Variants in FBXO42 observed in about 807,000 individuals in gnomAD.
FBXO42 encodes the protein F-box protein 42, also known as F-box only protein 42.
A neutral mutation model predicts 71.7 loss-of-function variants in FBXO42; 12 were observed. The ratio of observed to expected loss-of-function variants is 0.17; its 90% CI spans 0.11 to 0.27. The LOEUF (loss-of-function observed/expected upper bound fraction) is 0.27. FBXO42 is among the 10% of genes least tolerant of loss of function. FBXO42 has a pLI of 1.00. For synonymous variants in FBXO42, 325 were observed against 327.5 expected (o/e 0.99, Z 0.08); for missense variants, 707 against 911.9 (o/e 0.78, Z 2.89).
intron 4 of FBXO42, among the ~76,000 whole-genome samples, chr1:16,271,258 G>GGTGTGTGT (rs57827739): frequency 0.012 from 1,638 of 137,468 alleles, 12 homozygotes; most frequent in Non-Finnish European, 0.014. Flanking sequence ...TGTGTGTGTT[G>GGTGTGTGT]GTGTGTGTGT....
chr1:16,298,434 T>C (rs2082155203), intron 3 of FBXO42, among the ~76,000 whole-genome samples: 2 of 152,182 alleles, frequency 1.3e-5, no homozygotes, highest in Non-Finnish European at 2.9e-5. Flanking sequence ...TGGTACCAGG[T>C]TGGCTCAGTA....
At chr1:16,259,917 C>T (rs1230003911) in intron 4 of FBXO42, among the ~76,000 whole-genome samples, 1 of 152,018 alleles carries the variant, frequency 6.6e-6, no homozygotes, top group Non-Finnish European at 1.5e-5. Flanking sequence ...TCTGTACTGC[C>T]CAACAAAGTC....
intron 1 of FBXO42, among the ~76,000 whole-genome samples, chr1:16,320,763 T>C (rs1433809358): frequency 1.3e-5 from 2 of 152,010 alleles, no homozygotes; most frequent in African/African-American, 2.4e-5. Flanking sequence ...GGTTTCACCA[T>C]GTTAGCCAGG....
intron 1 of FBXO42, among the ~76,000 whole-genome samples, chr1:16,330,099 C>A (rs2082485464): frequency 6.6e-6 from 1 of 152,230 alleles, no homozygotes; most frequent in Non-Finnish European, 1.5e-5. Flanking sequence ...TATTATCACA[C>A]AATGTAGCTA....
At chr1:16,310,471 C>T (rs1557596318) in intron 2 of FBXO42, among the ~76,000 whole-genome samples, 1 of 152,100 alleles carries the variant, frequency 6.6e-6, no homozygotes, top group Non-Finnish European at 1.5e-5. Flanking sequence ...GTTGAGTCTG[C>T]AGTGAGCCCT....
chr1:16,283,647 C>T (rs1251850184), intron 4 of FBXO42, among the ~76,000 whole-genome samples: 1 of 151,972 alleles, frequency 6.6e-6, no homozygotes, highest in Non-Finnish European at 1.5e-5. Flanking sequence ...CAGGCACCCA[C>T]CACCATGCCC....
chr1:16,283,656 C>T lies in FBXO42; in HGVS notation c.502+11127G>A, dbSNP rs901396431. On this transcript the variant is annotated intron_variant, in intron 4 of 9. Coordinates refer to ENST00000375592, the MANE Select transcript of FBXO42 (RefSeq NM_018994.3). ...GGATTACAGGCACCCACCACCATGC[C>T]CAGCTACTTTTTGTATTTTTAGTAG... Among the ~76,000 whole-genome samples, 7 of 151,920 alleles carry T rather than the reference C, an allele frequency of 4.6e-5. No homozygotes were observed. The East Asian group carries it at 1.3e-3, about 29-fold the overall frequency.
intron 1 of FBXO42, among the ~76,000 whole-genome samples, chr1:16,341,611 A>T (rs1407300504): frequency 0.013 from 18 of 1,428 alleles, 1 homozygote; most frequent in East Asian, 0.33. Context: ...GCGTCTTTTA[A>T]AAAAAAAAAA....
At chr1:16,326,239 A>C (rs75254779) in intron 1 of FBXO42, among the ~76,000 whole-genome samples, 4,021 of 150,722 alleles carry the variant, frequency 0.027, 185 homozygotes, top group African/African-American at 0.091. Context: ...ATTTTTTCGC[A>C]AAGACGGGGT....
intron 3 of FBXO42, among the ~76,000 whole-genome samples, chr1:16,299,829 G>A (rs2082172879): frequency 6.6e-6 from 1 of 152,024 alleles, no homozygotes; most frequent in Non-Finnish European, 1.5e-5. Flanking sequence ...ATTTTTGGTA[G>A]AGATGGAGTT....
chr1:16,269,984 T>C (rs566697421), intron 4 of FBXO42, among the ~76,000 whole-genome samples: 1 of 152,256 alleles, frequency 6.6e-6, no homozygotes, highest in Admixed American at 6.5e-5. Flanking sequence ...GCCTTCCAAG[T>C]AGATGGGACC....
chr1:16,257,173 AAAAG>A (rs961766254), intron 4 of FBXO42, among the ~76,000 whole-genome samples: 1 of 152,230 alleles, frequency 6.6e-6, no homozygotes, highest in African/African-American at 2.4e-5. Context: ...GGTCACAAAG[AAAAG>A]AAAGAATGTA....
intron 1 of FBXO42, among the ~76,000 whole-genome samples, chr1:16,350,755 A>AAAAAGAAAGAAAGAAAG: frequency 7.0e-6 from 1 of 143,304 alleles, no homozygotes; most frequent in Non-Finnish European, 1.5e-5. Context: ...AAAAAAAAAA[A>AAAAAGAAAGAAAGAAAG]AAAAAGAAAG....
intron 4 of FBXO42, among the ~76,000 whole-genome samples, chr1:16,263,905 G>A (rs571373706): frequency 2.7e-4 from 40 of 148,712 alleles, no homozygotes; most frequent in Non-Finnish European, 5.3e-4. Context: ...CCACCTCCCA[G>A]GTTCAAGCGA....
intron 1 of FBXO42, among the ~76,000 whole-genome samples, chr1:16,349,586 C>T (rs561205717): frequency 6.6e-6 from 1 of 152,196 alleles, no homozygotes; most frequent in Non-Finnish European, 1.5e-5. Context: ...CAGGGCCGGG[C>T]GCAGTGGCTC....
intron 3 of FBXO42, among the ~76,000 whole-genome samples, chr1:16,296,659 A>G (rs1334545420): frequency 6.6e-6 from 1 of 151,802 alleles, no homozygotes; most frequent in Non-Finnish European, 1.5e-5. Flanking sequence ...CAAAAAAAAA[A>G]AAAAAAAAAC....
At chr1:16,328,173 A>G (rs1244153419) in intron 1 of FBXO42, among the ~76,000 whole-genome samples, 1 of 152,198 alleles carries the variant, frequency 6.6e-6, no homozygotes, top group African/African-American at 2.4e-5. Context: ...ATACATGTAA[A>G]TTTTTAAAAA....
chr1:16,290,322 G>A (rs1322963214), intron 4 of FBXO42, among the ~76,000 whole-genome samples: 2 of 152,192 alleles, frequency 1.3e-5, no homozygotes, highest in Non-Finnish European at 2.9e-5. Flanking sequence ...TGCTATGGTG[G>A]AGATGAAGCC....
Position 16,250,810 on chromosome 1 carries a change from C to T in FBXO42, c.2014G>A (p.Gly672Arg). The T allele has an allele frequency of 1.9e-6, 3 of 1,614,168 alleles. No homozygotes were observed. The highest frequency in any genetic ancestry group is 2.5e-6 in the Non-Finnish European group (3 of 1,180,034). The change falls in exon 10 of 10, where the codon GGA becomes AGA. Residue 672 changes from glycine (G) to arginine (R), a missense_variant. By Grantham distance (125) the Gly-to-Arg change is moderately radical. Around this residue, in one of 5 missense-constraint regions of FBXO42, gnomAD observed 482 missense variants for 587.1 expected, o/e 0.82. Transcript: ENST00000375592. The surrounding 1 kb of genome is among the most constrained non-coding windows in gnomAD (Gnocchi z 4.7). Reference sequence around the variant, plus strand: ...GTATGCAGGCTGGTTTCAGGAGGTCCAACCACAGAACTGCTATTAAATACT... The same window carrying T: ...GTATGCAGGCTGGTTTCAGGAGGTCTAACCACAGAACTGCTATTAAATACT... ...WKVFNSSSVV[G>R]PPETSLHTVV...
Sources: gnomAD v4.1 joint callset for allele counts (sites outside exome capture counted in the v4.1 genomes callset) on GRCh38, gnomAD v4.1.1 for gene constraint, gnomAD v4.1.1 regional missense constraint, Gnocchi (gnomAD v3.1) non-coding constraint, MANE v1.5 for transcripts, NCBI Gene and HGNC (gene_info 2026-07-23, HGNC 2026-07-21) for gene names.